The following POU6F2 variants were observed in gnomAD, a reference collection of about 807,000 sequenced individuals.
The protein encoded by POU6F2 is POU domain, class 6, transcription factor 2.
A neutral mutation model predicts 71.3 loss-of-function variants in POU6F2; 31 were observed. That is an observed-to-expected ratio of 0.43 (90% CI 0.33 to 0.59). The LOEUF (loss-of-function observed/expected upper bound fraction) is 0.59. POU6F2 is among the 20% of genes least tolerant of loss of function. The pLI, the probability that POU6F2 is intolerant of heterozygous loss-of-function variation, is 0.04. For synonymous variants in POU6F2, 347 were observed against 355.7 expected (o/e 0.98, Z 0.27); for missense variants, 783 against 856.8 (o/e 0.91, Z 1.07).
At position 39,016,014 on chromosome 7, in the gene POU6F2, T is replaced by TTG. The variant is rs1562671141; in HGVS notation, c.105+37957_105+37958insGT. ...ATAATATATAGATATATATTATATA[T>TTG]TATATATATTATATATAGATATATA... On this transcript the variant is annotated intron_variant, in intron 1 of 9. Transcript: ENST00000518318. Among the ~76,000 whole-genome samples, 25 of 59,418 alleles carry TTG rather than the reference T, an allele frequency of 4.2e-4. 7 individuals are homozygous for TTG. Among genetic ancestry groups the TTG allele is most frequent in the South Asian group, 4.1e-3 (7 of 1,690 alleles). 39.0% of individuals were successfully genotyped at this position (59,418 alleles called of 152,430 possible). A position where few individuals can be genotyped will look rare whatever the true frequency, so the allele number is the denominator to read the frequency against.
At chr7:39,246,601 C>G (rs1208126734) in intron 4 of POU6F2, among the ~76,000 whole-genome samples, 1 of 152,068 alleles carries the variant, frequency 6.6e-6, no homozygotes, top group Non-Finnish European at 1.5e-5. Context: ...GATAAAAGAA[C>G]AACCTAACTA....
intron 2 of POU6F2, among the ~76,000 whole-genome samples, chr7:39,098,418 C>A (rs191847970): frequency 6.6e-6 from 1 of 151,652 alleles, no homozygotes; most frequent in Admixed American, 6.6e-5. Context: ...GTACTACAGG[C>A]GTGTACCATC....
chr7:39,395,856 T>C (rs571700118), intron 5 of POU6F2, among the ~76,000 whole-genome samples: 2 of 152,332 alleles, frequency 1.3e-5, no homozygotes, highest in Non-Finnish European at 2.9e-5. Flanking sequence ...CCCACTGCTA[T>C]ACTGTGGCAA....
At chr7:39,218,526 G>T (rs550073505) in intron 4 of POU6F2, among the ~76,000 whole-genome samples, 1 of 152,182 alleles carries the variant, frequency 6.6e-6, no homozygotes, top group East Asian at 1.9e-4. Flanking sequence ...GCTCCCTCTC[G>T]GGAAAAGCTA....
intron 2 of POU6F2, among the ~76,000 whole-genome samples, chr7:39,087,969 A>G (rs1791288150): frequency 6.6e-6 from 1 of 152,168 alleles, no homozygotes; most frequent in African/African-American, 2.4e-5. Context: ...GTTTAATGGC[A>G]TTTACTAAGG....
intron 4 of POU6F2, among the ~76,000 whole-genome samples, chr7:39,312,441 A>C (rs546978997): frequency 1.7e-4 from 26 of 152,298 alleles, no homozygotes; most frequent in African/African-American, 4.8e-4. Context: ...TAAAGCTTCG[A>C]GAGAAAACGT....
chr7:39,150,560 A>G (rs1329642253), intron 2 of POU6F2, among the ~76,000 whole-genome samples: 1 of 137,976 alleles, frequency 7.2e-6, no homozygotes, highest in Admixed American at 8.2e-5. Flanking sequence ...TCTGCCTCCC[A>G]GGTTCCAGTG....
intron 2 of POU6F2, among the ~76,000 whole-genome samples, chr7:39,171,056 G>T (rs1793210837): frequency 1.5e-5 from 2 of 132,082 alleles, no homozygotes; most frequent in Non-Finnish European, 1.5e-5. Flanking sequence ...TAAGTTCTGG[G>T]ATACATGTGC....
intron 5 of POU6F2, among the ~76,000 whole-genome samples, chr7:39,380,711 T>G (rs988381875): frequency 3.3e-5 from 5 of 152,222 alleles, no homozygotes; most frequent in African/African-American, 1.2e-4. Context: ...GGAGGCAAAG[T>G]ATGAAAAGCT....
At chr7:39,439,512 A>G (rs67717647) in intron 7 of POU6F2, among the ~76,000 whole-genome samples, 51,226 of 152,082 alleles carry the variant, frequency 0.34, 9,643 homozygotes, top group East Asian at 0.58. Context: ...TTCTTGAAAC[A>G]GATTTTCGCT....
rs1373058624 is a variant in POU6F2 at position 39,393,562 on chromosome 7, T to C, written c.973-13038T>C. On this transcript the variant is annotated intron_variant, in intron 5 of 9. Transcript: ENST00000518318. Reference sequence around the variant, plus strand: ...GTTAAAATGATATATCTGACCCTTATTGTGAATTCAAGAGGGTAGATGTTC... The same window carrying C: ...GTTAAAATGATATATCTGACCCTTACTGTGAATTCAAGAGGGTAGATGTTC... Among the ~76,000 whole-genome samples the C allele has an allele frequency of 2.0e-5, 3 of 152,140 alleles. No individual in the cohort carries two copies. The East Asian group carries it at 5.8e-4, about 29-fold the overall frequency.
chr7:38,985,394 G>A (rs1449678545), intron 1 of POU6F2, among the ~76,000 whole-genome samples: 1 of 151,986 alleles, frequency 6.6e-6, no homozygotes, highest in African/African-American at 2.4e-5. Context: ...TGGTCAGGGC[G>A]AACTCTGGTC....
At position 39,464,516 on chromosome 7, in the gene POU6F2, GA is replaced by G. The variant is rs779915451; in HGVS notation, c.1996del (p.Met666Ter). On this transcript the variant is annotated frameshift_variant, in exon 10 of 10. Coordinates refer to ENST00000518318, the MANE Select transcript of POU6F2 (RefSeq NM_001370959.1). LOFTEE classifies it high-confidence loss of function. The surrounding 1 kb of genome is among the most constrained non-coding windows in gnomAD (Gnocchi z 4.1). ...FEKNTHPSGQ[E>X]MTEIAEKLNY... ...GAAGAACACACACCCTTCTGGGCAG[GA>G]AATGACCGAAATTGCTGAGAAGCTG... The G allele has an allele frequency of 6.2e-7, 1 of 1,613,504 alleles. No individual in the cohort carries two copies. Among genetic ancestry groups the G allele is most frequent in the Non-Finnish European group, 8.5e-7 (1 of 1,179,660 alleles).
chr7:39,065,295 A>G (rs182940322), intron 1 of POU6F2, among the ~76,000 whole-genome samples: 22 of 151,926 alleles, frequency 1.4e-4, no homozygotes, highest in African/African-American at 4.8e-4. Flanking sequence ...TGTTGGGTCA[A>G]AGAATAAAAT....
intron 4 of POU6F2, among the ~76,000 whole-genome samples, chr7:39,217,614 A>AAT (rs1794270169): frequency 1.3e-5 from 2 of 152,332 alleles, no homozygotes; most frequent in South Asian, 4.1e-4. Flanking sequence ...CACAAAGCTC[A>AAT]ATATTGAAAA....
intron 9 of POU6F2, among the ~76,000 whole-genome samples, chr7:39,461,499 C>A (rs1177811389): frequency 6.6e-6 from 1 of 152,082 alleles, no homozygotes; most frequent in Admixed American, 6.6e-5. Flanking sequence ...CCTTATGAGT[C>A]CTCCTCCAAC....
intron 2 of POU6F2, among the ~76,000 whole-genome samples, chr7:39,128,733 A>C (rs1385607653): frequency 6.6e-6 from 1 of 152,206 alleles, no homozygotes; most frequent in Non-Finnish European, 1.5e-5. Context: ...AGTTGCTTGG[A>C]TCTATGATCG....
intron 2 of POU6F2, among the ~76,000 whole-genome samples, chr7:39,091,442 C>G (rs1791362036): frequency 6.6e-6 from 1 of 152,098 alleles, no homozygotes; most frequent in Non-Finnish European, 1.5e-5. Context: ...TTACTTTTTT[C>G]TCCCCTTTTA....
intron 4 of POU6F2, among the ~76,000 whole-genome samples, chr7:39,248,731 G>A (rs1584624240): frequency 6.6e-6 from 1 of 152,140 alleles, no homozygotes; most frequent in East Asian, 1.9e-4. Context: ...CAAACACAAA[G>A]CAACCTTAAT....
Sources: allele counts gnomAD v4.1 joint callset (sites outside exome capture counted in the v4.1 genomes callset), GRCh38; gene constraint gnomAD v4.1.1; non-coding constraint Gnocchi (gnomAD v3.1); transcripts MANE v1.5; gene names NCBI Gene and HGNC (gene_info 2026-07-23, HGNC 2026-07-21).